Variants in DNAJC1 observed in about 807,000 individuals in gnomAD.
The protein encoded by DNAJC1 is dnaJ homolog subfamily C member 1.
Under a neutral mutation model 76.6 loss-of-function variants are expected in DNAJC1, and 58 were observed. The observed-to-expected ratio is 0.76, with a 90% CI of 0.61 to 0.94. The LOEUF (loss-of-function observed/expected upper bound fraction) is 0.94. Among genes scored for constraint, DNAJC1 ranks in the 40% least tolerant of loss-of-function variants. The pLI is 0.00. For missense variants in DNAJC1, 689 were observed against 677.3 expected (o/e 1.02, Z -0.19); for synonymous variants, 258 against 267.9 (o/e 0.96, Z 0.36).
At chr10:21,973,208 T>C (rs1838007650) in intron 1 of DNAJC1, among the ~76,000 whole-genome samples, 1 of 152,176 alleles carries the variant, frequency 6.6e-6, no homozygotes. Context: ...ACTTCCAATA[T>C]TTGAACTGTC....
At chr10:21,876,003 G>A (rs986359520) in intron 8 of DNAJC1, among the ~76,000 whole-genome samples, 4 of 151,738 alleles carry the variant, frequency 2.6e-5, no homozygotes, top group African/African-American at 7.3e-5. Context: ...ATTAGAAAGT[G>A]AAATTTGAGA....
chr10:21,760,540 A>T (rs1834228740), intron 10 of DNAJC1, among the ~76,000 whole-genome samples: 1 of 152,254 alleles, frequency 6.6e-6, no homozygotes, highest in Admixed American at 6.5e-5. Context: ...ATGCAGGGAA[A>T]TAGGTACATT....
At chr10:21,875,987 A>C (rs1477644675) in intron 8 of DNAJC1, among the ~76,000 whole-genome samples, 1 of 152,168 alleles carries the variant, frequency 6.6e-6, no homozygotes, top group East Asian at 1.9e-4. Flanking sequence ...CTATATACTA[A>C]ATATAATTAG....
At position 21,771,500 on chromosome 10, in the gene DNAJC1, AAC is replaced by A. The variant is rs371791508; in HGVS notation, c.1099-5193_1099-5192del. On this transcript the variant is annotated intron_variant, in intron 9 of 11. Coordinates refer to ENST00000376980, the MANE Select transcript of DNAJC1 (RefSeq NM_022365.4). Reference sequence around the variant, plus strand: ...AGTGCAAGGGTGTTGGGTTTTGTCAAACACTTTTTTTTTTTTGAGACGCAGTC... The same window carrying A: ...AGTGCAAGGGTGTTGGGTTTTGTCAAACTTTTTTTTTTTTGAGACGCAGTC... 3.3e-3 allele frequency among the ~76,000 whole-genome samples: 499 copies of A among 151,904 alleles called. 3 individuals carry two copies. The highest frequency in any genetic ancestry group is 0.011 in the African/African-American group (469 of 41,444).
At chr10:21,833,691 G>A (rs944077238) in intron 8 of DNAJC1, among the ~76,000 whole-genome samples, 3 of 152,112 alleles carry the variant, frequency 2.0e-5, no homozygotes, top group African/African-American at 4.8e-5. Context: ...GCGCAGAACA[G>A]TACCAGGCAC....
chr10:21,791,902 AACCAT>A (rs1834693212), intron 9 of DNAJC1, among the ~76,000 whole-genome samples: 1 of 152,170 alleles, frequency 6.6e-6, no homozygotes, highest in African/African-American at 2.4e-5. Context: ...AAACTGAAAA[AACCAT>A]ACCAAAGATC....
chr10:21,910,829 A>AAGGAG (rs71393924), intron 6 of DNAJC1, among the ~76,000 whole-genome samples: 21 of 48,892 alleles, frequency 4.3e-4, no homozygotes, highest in African/African-American at 1.5e-3. Context: ...GAAAGAAAGG[A>AAGGAG]AGGAGAGGAG....
rs1305213090 is a variant in DNAJC1 at position 21,806,016 on chromosome 10, T to C, written c.1062A>G (p.Glu354=). The C allele has an allele frequency of 1.2e-6, 2 of 1,611,740 alleles. No homozygotes were observed. Among genetic ancestry groups the C allele is most frequent in the Non-Finnish European group, 1.7e-6 (2 of 1,179,642 alleles). Residue 354 remains glutamate, a synonymous_variant, in exon 9 of 12, where the codon GAA becomes GAG. Transcript: ENST00000376980. The part of the protein sequence containing the change: ...KFPGGTPGRW[E]KIAHELGRSV... ...ATCGACCCAATTCGTGGGCAATCTTTTCCCATCGACCTGGAGTCCCTCCTG... is the reference window on the plus strand; with the variant it reads ...ATCGACCCAATTCGTGGGCAATCTTCTCCCATCGACCTGGAGTCCCTCCTG...
intron 10 of DNAJC1, among the ~76,000 whole-genome samples, chr10:21,762,476 C>T (rs2131616675): frequency 6.6e-6 from 1 of 152,342 alleles, no homozygotes; most frequent in Non-Finnish European, 1.5e-5. Flanking sequence ...CAAAAGGATA[C>T]ATCTATCCAC....
chr10:21,908,493 G>GGGT (rs1836796292), intron 6 of DNAJC1, among the ~76,000 whole-genome samples: 1 of 148,604 alleles, frequency 6.7e-6, no homozygotes, highest in Non-Finnish European at 1.5e-5. Flanking sequence ...TTTTCATGGG[G>GGGT]GGGGGGTGAA....
At chr10:21,988,653 T>C (rs1838283540) in intron 1 of DNAJC1, among the ~76,000 whole-genome samples, 1 of 152,196 alleles carries the variant, frequency 6.6e-6, no homozygotes, top group Non-Finnish European at 1.5e-5. Context: ...AAACAGTCTT[T>C]AGTGAGGGTT....
intron 1 of DNAJC1, among the ~76,000 whole-genome samples, chr10:21,970,284 A>C (rs547312852): frequency 8.5e-5 from 13 of 152,222 alleles, no homozygotes; most frequent in Middle Eastern, 3.4e-3. Context: ...TCATTCTGAA[A>C]GCTGAATTAT....
intron 1 of DNAJC1, among the ~76,000 whole-genome samples, chr10:21,969,137 T>C (rs950451807): frequency 2.0e-5 from 3 of 150,258 alleles, no homozygotes; most frequent in South Asian, 2.1e-4. Context: ...GGCAGGATAA[T>C]TGCTTGAACC....
rs186086607 is a variant in DNAJC1 at position 21,877,044 on chromosome 10, G to A, written c.978+5238C>T. Among the ~76,000 whole-genome samples, 35 of 152,244 alleles carry A rather than the reference G, an allele frequency of 2.3e-4. No individual in the cohort carries two copies. In the East Asian group the frequency reaches 6.4e-3, roughly 28 times the overall value. On this transcript the variant is annotated intron_variant, in intron 8 of 11. Coordinates refer to ENST00000376980, the MANE Select transcript of DNAJC1 (RefSeq NM_022365.4). ...AATCCTAACACTTTGGGAGGCTGAG[G>A]CAGGAGGATCACTTAAGCCCAGGAG...
At chr10:21,951,870 C>T (rs1837602094) in intron 1 of DNAJC1, among the ~76,000 whole-genome samples, 2 of 152,106 alleles carry the variant, frequency 1.3e-5, no homozygotes. Context: ...TAAAAGAATG[C>T]TTGAACATTT....
Position 21,756,746 on chromosome 10 carries a change from TAC to T in DNAJC1, c.1604_1605del (p.Cys535TyrfsTer3), listed in dbSNP as rs780755992. 8.1e-6 allele frequency: 13 copies of T among 1,613,498 alleles called. No individual in the cohort carries two copies. Among genetic ancestry groups the T allele is most frequent in the South Asian group, 1.1e-5 (1 of 91,074 alleles). On this transcript the variant is annotated frameshift_variant, in exon 12 of 12. Transcript: ENST00000376980. LOFTEE classifies it high-confidence loss of function. ...TCAACCAGCAACTTGTACCTAGCGA[TAC>T]AGTCTTCCTGTAGGAAGAAAAAAAG... is the stretch of plus-strand genomic sequence containing the variant. ...RCVPSKSKED[C>X]IARYKLLVEL...
At chr10:21,992,148 T>C (rs1838334543) in intron 1 of DNAJC1, among the ~76,000 whole-genome samples, 1 of 152,118 alleles carries the variant, frequency 6.6e-6, no homozygotes, top group Admixed American at 6.5e-5. Flanking sequence ...CCGTCTCTAC[T>C]AAAAATGCAA....
chr10:21,861,766 CG>C (rs1367018300), intron 8 of DNAJC1, among the ~76,000 whole-genome samples: 18 of 152,016 alleles, frequency 1.2e-4, no homozygotes, highest in African/African-American at 4.4e-4. Flanking sequence ...GAAGTTACCC[CG>C]GATGGTCTAG....
chr10:21,929,130 A>G lies in DNAJC1; in HGVS notation c.234T>C (p.Ser78=). The G allele has an allele frequency of 6.2e-7, 1 of 1,610,480 alleles. No homozygotes were observed. Among genetic ancestry groups the G allele is most frequent in the Non-Finnish European group, 8.5e-7 (1 of 1,178,574 alleles). ...TACGATATGCTTTTCTGATGTCTGCAGATGATGCATCCTGGAGGTGGTAGG... is the reference window on the plus strand; with the variant it reads ...TACGATATGCTTTTCTGATGTCTGCGGATGATGCATCCTGGAGGTGGTAGG... ...QFLGVQQDAS[S]ADIRKAYRKL... is the part of the protein sequence containing the mutation. Residue 78 remains serine (S), a synonymous_variant, in exon 2 of 12, where the codon TCT becomes TCC. Coordinates refer to ENST00000376980, the MANE Select transcript of DNAJC1 (RefSeq NM_022365.4).
Sources: gnomAD v4.1 joint callset for allele counts (sites outside exome capture counted in the v4.1 genomes callset) on GRCh38, gnomAD v4.1.1 for gene constraint, MANE v1.5 for transcripts, NCBI Gene and HGNC (gene_info 2026-07-23, HGNC 2026-07-21) for gene names.